Variants in PCGF3 observed in about 807,000 individuals in gnomAD.
PCGF3 encodes the protein polycomb group ring finger 3.
A neutral mutation model predicts 33.1 loss-of-function variants in PCGF3; 7 were observed. The ratio of observed to expected loss-of-function variants is 0.21; its 90% confidence interval spans 0.12 to 0.40. The LOEUF (loss-of-function observed/expected upper bound fraction) is 0.40. Among genes scored for constraint, PCGF3 ranks in the 10% least tolerant of loss-of-function variants. PCGF3 has a pLI of 1.00. For synonymous variants in PCGF3, 153 were observed against 121.3 expected (o/e 1.26, Z -1.72); for missense variants, 211 against 313.3 (o/e 0.67, Z 2.46).
chr4:751,302 A>C (rs911547514), intron 8 of PCGF3, among the ~76,000 whole-genome samples: 6 of 152,144 alleles, frequency 3.9e-5, no homozygotes, highest in African/African-American at 7.2e-5. Flanking sequence ...ATTTTATTTC[A>C]CACTAATTTT....
chr4:769,002 G>A (rs970861403), exon 11 of PCGF3: 1 of 152,684 alleles, frequency 6.5e-6, no homozygotes, highest in African/African-American at 2.4e-5. Flanking sequence ...TGTACATTCA[G>A]CTGTTTGGTT....
chr4:738,862 A>AT (rs1267785818), intron 6 of PCGF3, among the ~76,000 whole-genome samples: 2 of 151,512 alleles, frequency 1.3e-5, no homozygotes, highest in Non-Finnish European at 2.9e-5. Flanking sequence ...CCGTCTCAAA[A>AT]AAATAAATAA....
chr4:737,603 G>A (rs568748787), intron 6 of PCGF3, 82 bp downstream of exon 6: 20 of 851,688 alleles, frequency 2.3e-5, no homozygotes, highest in Admixed American at 5.8e-5. Context: ...TTTGGTTCTC[G>A]GATGGGAGGC....
intron 8 of PCGF3, among the ~76,000 whole-genome samples, chr4:755,602 A>G (rs758213809): frequency 5.3e-5 from 8 of 152,178 alleles, no homozygotes; most frequent in African/African-American, 1.4e-4. Flanking sequence ...TCCCCATTCT[A>G]AGGTCATAAA....
chr4:760,514 C>T (rs1040172858), intron 8 of PCGF3, among the ~76,000 whole-genome samples: 1 of 152,214 alleles, frequency 6.6e-6, no homozygotes, highest in African/African-American at 2.4e-5. Context: ...GTCTGTACCC[C>T]TGGTGTCCTC....
Position 721,228 on chromosome 4 carries a change from G to A in PCGF3, c.-189-9402G>A, listed in dbSNP as rs1054270407. Among the ~76,000 whole-genome samples, 4 of 152,164 alleles carry A rather than the reference G, an allele frequency of 2.6e-5. No homozygotes were observed. Among genetic ancestry groups the A allele is most frequent in the African/African-American group, 7.2e-5 (3 of 41,444 alleles). On this transcript the variant is annotated intron_variant, in intron 1 of 10. Coordinates refer to ENST00000362003, the Ensembl canonical transcript of PCGF3. This position sits in a 1 kb window ranked among gnomAD's most constrained non-coding sequence, Gnocchi z 4.1. ...TGGTTCCCCAGTGAGGCTGTTCCAC[G>A]GTGGCACAGGACACGCCTGCAGCTT...
Position 736,631 on chromosome 4 carries a change from CAGGATGCAGGGAACCCGTGGTGTCCACA to C in PCGF3, c.207-834_207-807del, listed in dbSNP as rs1166902550. ...GCAGGGACGGTGTCCCCTGAGCACACAGGATGCAGGGAACCCGTGGTGTCCACAGGGACGGTGTCTCCTGAGCGCACAG... is the reference window on the plus strand; with the variant it reads ...GCAGGGACGGTGTCCCCTGAGCACACGGGACGGTGTCTCCTGAGCGCACAG... On this transcript the variant is annotated intron_variant, in intron 5 of 10. Transcript: ENST00000362003. Among the ~76,000 whole-genome samples the C allele has an allele frequency of 4.7e-3, 479 of 101,306 alleles. 27 individuals are homozygous for C. The highest frequency in any genetic ancestry group is 0.013 in the African/African-American group (334 of 24,892). 66.5% of individuals were successfully genotyped at this position (101,306 alleles called of 152,430 possible).
At chr4:739,823 A>C (rs575873645) in intron 6 of PCGF3, among the ~76,000 whole-genome samples, 44 of 151,880 alleles carry the variant, frequency 2.9e-4, no homozygotes, top group African/African-American at 9.9e-4. Flanking sequence ...TGCCAACTCC[A>C]CTCTACGTTG....
intron 3 of PCGF3, chr4:732,369 C>CTCCTTCCCCTCCCCTCCCTTT (rs1743628435): frequency 6.7e-6 from 1 of 150,266 alleles, no homozygotes; most frequent in Non-Finnish European, 1.5e-5. Context: ...CCCCTCCCTT[C>CTCCTTCCCCTCCCCTCCCTTT]TCCTTCCCCT....
At chr4:750,161 C>A (rs1032055675) in intron 8 of PCGF3, among the ~76,000 whole-genome samples, 1 of 152,216 alleles carries the variant, frequency 6.6e-6, no homozygotes, top group East Asian at 1.9e-4. Context: ...CTGCTCCCTG[C>A]GGACTTTGAT....
intron 3 of PCGF3, among the ~76,000 whole-genome samples, chr4:733,365 T>C (rs1255726178): frequency 1.3e-5 from 2 of 152,218 alleles, no homozygotes; most frequent in South Asian, 2.1e-4. Flanking sequence ...CCTGCCTCTC[T>C]GCAGCTTTAT....
At chr4:748,645 G>T (rs1239433577) in intron 8 of PCGF3, among the ~76,000 whole-genome samples, 1 of 152,174 alleles carries the variant, frequency 6.6e-6, no homozygotes, top group Non-Finnish European at 1.5e-5. Flanking sequence ...GGTCCGGAGG[G>T]GCAGGAAGCG....
chr4:760,812 C>G (rs1352908840), intron 8 of PCGF3, among the ~76,000 whole-genome samples: 1 of 152,264 alleles, frequency 6.6e-6, no homozygotes. Flanking sequence ...TGCGGCCAAA[C>G]TGCTGGTCAC....
At chr4:765,965 C>CGATG (rs1239585730) in intron 10 of PCGF3, 67 bp from the exon 11 acceptor site, 1 of 1,437,912 alleles carries the variant, frequency 7.0e-7, no homozygotes, top group East Asian at 2.3e-5. Context: ...GCACCCTTCC[C>CGATG]GATGAAGTAG....
At chr4:751,957 C>T (rs1744534156) in intron 8 of PCGF3, among the ~76,000 whole-genome samples, 1 of 152,276 alleles carries the variant, frequency 6.6e-6, no homozygotes, top group African/African-American at 2.4e-5. Flanking sequence ...CTGGTGGCTC[C>T]TCTGAATCTT....
chr4:753,292 T>C (rs1219945991), intron 8 of PCGF3, among the ~76,000 whole-genome samples: 3 of 152,142 alleles, frequency 2.0e-5, no homozygotes, highest in African/African-American at 7.2e-5. Context: ...CAAGTGCTTC[T>C]CCCAACTCAG....
intron 1 of PCGF3, among the ~76,000 whole-genome samples, chr4:714,369 C>A (rs1243224172): frequency 6.6e-6 from 1 of 152,230 alleles, no homozygotes; most frequent in Non-Finnish European, 1.5e-5. Flanking sequence ...ACATCCTGGA[C>A]TCACCTGTGA....
intron 8 of PCGF3, among the ~76,000 whole-genome samples, chr4:751,115 T>C (rs1451865319): frequency 1.3e-5 from 2 of 152,086 alleles, no homozygotes; most frequent in Non-Finnish European, 2.9e-5. Context: ...GCTCTAATGG[T>C]TTGGGAATTT....
At chr4:712,373 C>T (rs1577393269) in intron 1 of PCGF3, among the ~76,000 whole-genome samples, 1 of 152,166 alleles carries the variant, frequency 6.6e-6, no homozygotes, top group African/African-American at 2.4e-5. Context: ...AGTCCTTCAA[C>T]CTATTGTTAT....
Sources: gnomAD v4.1 joint callset for allele counts (sites outside exome capture counted in the v4.1 genomes callset) on GRCh38, gnomAD v4.1.1 for gene constraint, Gnocchi (gnomAD v3.1) non-coding constraint, MANE v1.5 for transcripts, NCBI Gene and HGNC (gene_info 2026-07-23, HGNC 2026-07-21) for gene names.